The following LHFPL2 variants were observed in gnomAD, a reference collection of about 807,000 sequenced individuals.
LHFPL2 encodes LHFPL tetraspan subfamily member 2.
LHFPL2 carries 7 observed loss-of-function variants against 17.5 expected under a neutral mutation model. The observed-to-expected ratio is 0.40, with a 90% CI of 0.23 to 0.75. The LOEUF (loss-of-function observed/expected upper bound fraction) is 0.75. Ranked by LOEUF, LHFPL2 falls within the 30% of genes least tolerant of loss-of-function variation. The pLI is 0.37. For synonymous variants in LHFPL2, 134 were observed against 116.2 expected, an observed-to-expected ratio of 1.15 and a Z score of -0.99; for missense variants, 241 against 294.8, an observed-to-expected ratio of 0.82 and a Z score of 1.34.
intron 2 of LHFPL2, among the ~76,000 whole-genome samples, chr5:78,592,538 G>A (rs1409510417): frequency 6.6e-6 from 1 of 152,070 alleles, no homozygotes; most frequent in African/African-American, 2.4e-5. Flanking sequence ...GGCCCTTCTT[G>A]AGCATCTTTT....
At chr5:78,580,501 T>C (rs376418834) in intron 2 of LHFPL2, among the ~76,000 whole-genome samples, 42,785 of 133,330 alleles carry the variant, frequency 0.32, 7,878 homozygotes, top group Middle Eastern at 0.45. Context: ...AGTCTTTAAT[T>C]CATCTTGAAT....
chr5:78,508,914 T>G (rs6874508), intron 4 of LHFPL2, among the ~76,000 whole-genome samples: 137,902 of 151,948 alleles, frequency 0.91, 62,806 homozygotes, highest in African/African-American at 0.98. Flanking sequence ...CCATGTGTTT[T>G]TGTGTGTGAA....
rs1755293171 is a variant in LHFPL2 at position 78,516,413 on chromosome 5, T to C, written c.-185-6015A>G. ...CCCACACCAACTTTGCAGGGGACGT[T>C]TGGCAATGTCTGAAGGCATTTGGGG... On this transcript the variant is annotated intron_variant, in intron 3 of 4. Coordinates refer to ENST00000380345, the MANE Select transcript of LHFPL2 (RefSeq NM_005779.3). Among the ~76,000 whole-genome samples, 4 of 152,154 alleles carry C rather than the reference T, an allele frequency of 2.6e-5. No homozygotes were observed. The South Asian group carries it at 8.3e-4, about 32-fold the overall frequency.
intron 1 of LHFPL2, among the ~76,000 whole-genome samples, chr5:78,634,233 A>T (rs750029762): frequency 3.3e-5 from 5 of 152,186 alleles, no homozygotes; most frequent in Non-Finnish European, 7.3e-5. Context: ...AGGCCAAAGC[A>T]TCAAAATAGC....
intron 4 of LHFPL2, among the ~76,000 whole-genome samples, chr5:78,492,971 TATC>T (rs1754496196): frequency 6.6e-6 from 1 of 152,196 alleles, no homozygotes; most frequent in African/African-American, 2.4e-5. Context: ...CCATCACAGT[TATC>T]ATTAACATAG....
intron 2 of LHFPL2, among the ~76,000 whole-genome samples, chr5:78,606,624 G>C (rs1744219780): frequency 6.6e-6 from 1 of 152,204 alleles, no homozygotes; most frequent in Non-Finnish European, 1.5e-5. Flanking sequence ...TTATCACATA[G>C]TAGCCAACTC....
At chr5:78,582,261 A>C (rs1368895358) in intron 2 of LHFPL2, among the ~76,000 whole-genome samples, 1 of 151,964 alleles carries the variant, frequency 6.6e-6, no homozygotes, top group African/African-American at 2.4e-5. Flanking sequence ...AATTTTTTGA[A>C]GGTTTTTTTG....
intron 3 of LHFPL2, among the ~76,000 whole-genome samples, chr5:78,546,590 C>G (rs529821115): frequency 1.3e-5 from 2 of 152,350 alleles, no homozygotes; most frequent in Admixed American, 6.5e-5. Flanking sequence ...ACATGATTCT[C>G]AGTAACCTCG....
At chr5:78,646,775 C>A (rs1472141028) in intron 1 of LHFPL2, among the ~76,000 whole-genome samples, 1 of 152,210 alleles carries the variant, frequency 6.6e-6, no homozygotes, top group East Asian at 1.9e-4. Context: ...GAACAGCATA[C>A]ATTACTTCTT....
intron 3 of LHFPL2, among the ~76,000 whole-genome samples, chr5:78,529,825 G>T (rs1469516274): frequency 1.3e-5 from 2 of 152,194 alleles, no homozygotes; most frequent in African/African-American, 4.8e-5. Context: ...AAGCATCAGG[G>T]TGTGAATCAT....
At chr5:78,495,251 G>T (rs920791231) in intron 4 of LHFPL2, among the ~76,000 whole-genome samples, 1 of 152,086 alleles carries the variant, frequency 6.6e-6, no homozygotes, top group East Asian at 1.9e-4. Flanking sequence ...GTGGGATAAG[G>T]CTCCATGGTT....
intron 2 of LHFPL2, among the ~76,000 whole-genome samples, chr5:78,567,873 C>T (rs1456952047): frequency 5.3e-5 from 8 of 152,156 alleles, no homozygotes; most frequent in African/African-American, 1.9e-4. Flanking sequence ...CTCAAAGGCA[C>T]ACAGCTAGTC....
rs1342546579 is a variant in LHFPL2, at chr5:78,486,643, T to C, written c.*2254A>G. 1 of 152,324 alleles carries C rather than the reference T, an allele frequency of 6.6e-6. No individual in the cohort carries two copies. Among genetic ancestry groups the C allele is most frequent in the African/African-American group, 2.4e-5 (1 of 41,460 alleles). 9.4% of individuals were successfully genotyped at this position (152,324 alleles called of 1,614,324 possible). A position where few individuals can be genotyped will look rare whatever the true frequency, so the allele number is the denominator to read the frequency against. On this transcript the variant is annotated 3_prime_UTR_variant, in exon 5 of 5. Coordinates refer to ENST00000380345, the MANE Select transcript of LHFPL2 (RefSeq NM_005779.3). ...GGGGTTCTGTGTGTGTGCATGCCTG[T>C]GCTTTTGTCTTCTGTTGCATTCAGA...
intron 2 of LHFPL2, among the ~76,000 whole-genome samples, chr5:78,612,670 G>A (rs972969366): frequency 1.3e-5 from 2 of 152,132 alleles, no homozygotes; most frequent in Admixed American, 6.5e-5. Context: ...CTACATAAAG[G>A]CTGCCTTTCC....
At chr5:78,641,926 C>CACACACATAT (rs1554061995) in intron 1 of LHFPL2, 2 of 151,660 alleles carry the variant, frequency 1.3e-5, no homozygotes, top group African/African-American at 4.9e-5. Flanking sequence ...CACACACACA[C>CACACACATAT]ACACACACAC....
At chr5:78,640,117 G>A (rs1373919026) in intron 1 of LHFPL2, among the ~76,000 whole-genome samples, 1 of 152,130 alleles carries the variant, frequency 6.6e-6, no homozygotes, top group African/African-American at 2.4e-5. Flanking sequence ...CCGGGCATGT[G>A]GGGAGCTTGT....
At chr5:78,523,120 G>C (rs570535022) in intron 3 of LHFPL2, among the ~76,000 whole-genome samples, 1 of 152,036 alleles carries the variant, frequency 6.6e-6, no homozygotes, top group East Asian at 1.9e-4. Context: ...TGGTGTGTGT[G>C]TGTGTGTGTG....
chr5:78,518,561 C>A (rs1389801753), intron 3 of LHFPL2, among the ~76,000 whole-genome samples: 1 of 152,188 alleles, frequency 6.6e-6, no homozygotes, highest in Admixed American at 6.5e-5. Flanking sequence ...GAGCTCCACG[C>A]GCAGCTGCCA....
chr5:78,633,841 A>C (rs1421199893), intron 1 of LHFPL2, among the ~76,000 whole-genome samples: 1 of 152,176 alleles, frequency 6.6e-6, no homozygotes, highest in Admixed American at 6.5e-5. Flanking sequence ...TCAAGGAAAG[A>C]GAATGCATGC....
Sources: allele counts gnomAD v4.1 joint callset (sites outside exome capture counted in the v4.1 genomes callset), GRCh38; gene constraint gnomAD v4.1.1; transcripts MANE v1.5; gene names NCBI Gene and HGNC (gene_info 2026-07-23, HGNC 2026-07-21).